CSMD1: variants seen among roughly 807,000 people sequenced by gnomAD.
CSMD1 encodes CUB and sushi domain-containing protein 1.
A neutral mutation model predicts 417.5 loss-of-function variants in CSMD1; 213 were observed. That is an observed-to-expected ratio of 0.51 (90% CI 0.46 to 0.57). CSMD1 has a LOEUF of 0.57. CSMD1 is among the 20% of genes least tolerant of loss of function. CSMD1 has a pLI of 0.00. For synonymous variants in CSMD1, 2,862 were observed against 1,736.8 expected, an observed-to-expected ratio of 1.65 and a Z score of -16.11; for missense variants, 6,923 against 4,529.7, an observed-to-expected ratio of 1.53 and a Z score of -15.17.
rs78477184 is a variant in CSMD1 at position 3,299,138 on chromosome 8, C to G, written c.3950+8557G>C. Among the ~76,000 whole-genome samples, 24 of 152,154 alleles carry G rather than the reference C, an allele frequency of 1.6e-4. 1 individual carries two copies. The East Asian group carries it at 4.6e-3, about 29-fold the overall frequency. ...AGTCAAAATGCCAGACACAATTCCA[C>G]TAGGTAAAGGAAGTTAAAAAAAATG... On this transcript the variant is annotated intron_variant, in intron 25 of 69. Transcript: ENST00000635120.
At chr8:4,743,192 T>C (rs912350775) in intron 1 of CSMD1, among the ~76,000 whole-genome samples, 3 of 152,094 alleles carry the variant, frequency 2.0e-5, no homozygotes, top group Non-Finnish European at 2.9e-5. Context: ...TCAAGAAAAA[T>C]AGCCAAACTT....
intron 6 of CSMD1, among the ~76,000 whole-genome samples, chr8:3,741,813 C>T (rs1284348801): frequency 6.6e-6 from 1 of 152,136 alleles, no homozygotes; most frequent in African/African-American, 2.4e-5. Flanking sequence ...GCCCTTCTAC[C>T]CTTTCTTTCT....
At chr8:4,136,390 C>G (rs899186882) in intron 3 of CSMD1, among the ~76,000 whole-genome samples, 4 of 152,168 alleles carry the variant, frequency 2.6e-5, no homozygotes, top group Non-Finnish European at 5.9e-5. Flanking sequence ...TGCAACTTGA[C>G]TGGAGGGTCC....
chr8:3,569,994 A>C (rs923298027), intron 10 of CSMD1, among the ~76,000 whole-genome samples: 1 of 152,244 alleles, frequency 6.6e-6, no homozygotes, highest in African/African-American at 2.4e-5. Flanking sequence ...AATCAAGAAA[A>C]TATATACAAT....
intron 1 of CSMD1, among the ~76,000 whole-genome samples, chr8:4,879,132 C>T (rs760891886): frequency 1.3e-5 from 2 of 151,820 alleles, no homozygotes; most frequent in Non-Finnish European, 2.9e-5. Flanking sequence ...ATTGAGCAAA[C>T]AAAATATGGT....
intron 1 of CSMD1, among the ~76,000 whole-genome samples, chr8:4,972,912 G>C (rs1259038182): frequency 6.6e-6 from 1 of 152,084 alleles, no homozygotes; most frequent in Admixed American, 6.6e-5. Flanking sequence ...CTTGTGGAGA[G>C]TACTCTTGAA....
intron 4 of CSMD1, among the ~76,000 whole-genome samples, chr8:4,029,485 C>G (rs989273734): frequency 6.6e-6 from 1 of 152,094 alleles, no homozygotes; most frequent in Non-Finnish European, 1.5e-5. Context: ...ATTTTTAAAA[C>G]CATCAGATCT....
chr8:3,761,070 T>C (rs998610112), intron 5 of CSMD1, among the ~76,000 whole-genome samples: 3 of 152,196 alleles, frequency 2.0e-5, no homozygotes, highest in Admixed American at 6.5e-5. Context: ...AACAGAGAGT[T>C]CCTGACATGT....
intron 3 of CSMD1, among the ~76,000 whole-genome samples, chr8:4,203,953 T>A (rs1167766199): frequency 6.6e-6 from 1 of 151,788 alleles, no homozygotes; most frequent in African/African-American, 2.4e-5. Flanking sequence ...ATACAAAAAT[T>A]AGCCAGGTGT....
intron 5 of CSMD1, among the ~76,000 whole-genome samples, chr8:3,952,249 C>G (rs1349910654): frequency 6.6e-6 from 1 of 152,026 alleles, no homozygotes; most frequent in East Asian, 1.9e-4. Context: ...GCCTTCCTCA[C>G]TCTTATTCTC....
At position 4,026,332 on chromosome 8, in the gene CSMD1, T is replaced by C. The variant is rs372514031; in HGVS notation, c.610+5573A>G. On this transcript the variant is annotated intron_variant, in intron 4 of 69. Coordinates refer to ENST00000635120, the MANE Select transcript of CSMD1 (RefSeq NM_033225.6). ...AAGCAAAATTTAAATGTAAATGTAA[T>C]AATCTATAATACAGAAGAACAAAGT... 1.6e-4 allele frequency among the ~76,000 whole-genome samples: 25 copies of C among 152,328 alleles called. No individual in the cohort carries two copies. In the East Asian group the frequency reaches 2.1e-3, roughly 13 times the overall value.
chr8:3,860,981 A>C (rs908707726), intron 5 of CSMD1, among the ~76,000 whole-genome samples: 9 of 152,238 alleles, frequency 5.9e-5, no homozygotes, highest in African/African-American at 2.2e-4. Flanking sequence ...GACAAATGAA[A>C]GACAAAGCAT....
intron 6 of CSMD1, among the ~76,000 whole-genome samples, chr8:3,711,238 T>A (rs770450890): frequency 6.6e-6 from 1 of 152,156 alleles, no homozygotes; most frequent in Non-Finnish European, 1.5e-5. Context: ...ATAAGTCCAA[T>A]GTGGTTACAT....
At chr8:4,908,085 G>A (rs757123473) in intron 1 of CSMD1, among the ~76,000 whole-genome samples, 2 of 152,114 alleles carry the variant, frequency 1.3e-5, no homozygotes, top group Non-Finnish European at 2.9e-5. Context: ...CTTTCTCCAT[G>A]GAAGTCGTCT....
chr8:4,902,117 T>C (rs1804912779), intron 1 of CSMD1, among the ~76,000 whole-genome samples: 2 of 152,138 alleles, frequency 1.3e-5, no homozygotes, highest in Non-Finnish European at 2.9e-5. Context: ...CAAATAACTA[T>C]ATATCAATGA....
chr8:3,920,090 G>C (rs2954618), intron 5 of CSMD1, among the ~76,000 whole-genome samples: 35,641 of 151,856 alleles, frequency 0.23, 5,187 homozygotes, highest in African/African-American at 0.4. Context: ...CTAGACTGCA[G>C]TGGTGCAATC....
At chr8:4,581,323 G>T (rs1333261303) in intron 2 of CSMD1, among the ~76,000 whole-genome samples, 1 of 152,106 alleles carries the variant, frequency 6.6e-6, no homozygotes, top group African/African-American at 2.4e-5. Flanking sequence ...ATTATTTTAA[G>T]TTGAATATAT....
intron 1 of CSMD1, among the ~76,000 whole-genome samples, chr8:4,735,844 G>T (rs1810199817): frequency 6.6e-6 from 1 of 152,228 alleles, no homozygotes; most frequent in East Asian, 1.9e-4. Flanking sequence ...CTGAACTGAG[G>T]CCTTTCTGAT....
chr8:4,205,156 T>A (rs181816306), intron 3 of CSMD1, among the ~76,000 whole-genome samples: 2 of 152,328 alleles, frequency 1.3e-5, no homozygotes, highest in Admixed American at 6.5e-5. Context: ...AAATTGTTCT[T>A]AGAGAGAAAA....
Sources: gnomAD v4.1 joint callset for allele counts (sites outside exome capture counted in the v4.1 genomes callset) on GRCh38, gnomAD v4.1.1 for gene constraint, MANE v1.5 for transcripts, NCBI Gene and HGNC (gene_info 2026-07-23, HGNC 2026-07-21) for gene names.